The following KDM1B variants were observed in gnomAD, a reference collection of about 807,000 sequenced individuals.
KDM1B encodes lysine-specific histone demethylase 2.
Under a neutral mutation model 107.4 loss-of-function variants are expected in KDM1B, and 63 were observed. The ratio of observed to expected loss-of-function variants is 0.59; its 90% CI spans 0.48 to 0.72. The LOEUF (loss-of-function observed/expected upper bound fraction) is 0.72. Among genes scored for constraint, KDM1B ranks in the 30% least tolerant of loss-of-function variants. The pLI is 0.00. For missense variants in KDM1B, 749 were observed against 1,020.8 expected (o/e 0.73, Z 3.63); for synonymous variants, 363 against 363.9 (o/e 1.00, Z 0.03).
rs1006593884 is a variant in KDM1B at position 18,214,136 on chromosome 6, G to A, written c.2109+355G>A. Among the ~76,000 whole-genome samples, 3 of 152,100 alleles carry A rather than the reference G, an allele frequency of 2.0e-5. No homozygotes were observed. The highest frequency in any genetic ancestry group is 4.4e-5 in the Non-Finnish European group (3 of 68,030). Reference sequence around the variant, plus strand: ...GGGTCCTCTAGGGAGCTGGGAAAGGGTGTATGATTGGTGAGGGAGGGTGTG... The same window carrying A: ...GGGTCCTCTAGGGAGCTGGGAAAGGATGTATGATTGGTGAGGGAGGGTGTG... On this transcript the variant is annotated intron_variant, in intron 19 of 21. Coordinates refer to ENST00000650836, the MANE Select transcript of KDM1B (RefSeq NM_001364614.2). The surrounding 1 kb of genome is among the most constrained non-coding windows in gnomAD (Gnocchi z 4.4).
In KDM1B at chr6:18,188,507, T is replaced by C. The variant is rs116073853; in HGVS notation, c.784+505T>C. On this transcript the variant is annotated intron_variant, in intron 9 of 21. Transcript: ENST00000650836. ...CAACTATATGAGCAGTCCTTTTTCT[T>C]CTGAGTCTTTCTGCCTCTAATTATT... Among the ~76,000 whole-genome samples the C allele has an allele frequency of 6.0e-3, 913 of 152,346 alleles. 7 individuals carry two copies. The highest frequency in any genetic ancestry group is 0.021 in the African/African-American group (860 of 41,576).
At chr6:18,181,025 T>C (rs1245703895) in intron 7 of KDM1B, among the ~76,000 whole-genome samples, 1 of 152,250 alleles carries the variant, frequency 6.6e-6, no homozygotes, top group Non-Finnish European at 1.5e-5. Flanking sequence ...TTTAAATTTT[T>C]TCTTGGGTGG....
chr6:18,177,616 C>G (rs1440811789), intron 7 of KDM1B, among the ~76,000 whole-genome samples: 1 of 151,400 alleles, frequency 6.6e-6, no homozygotes, highest in Admixed American at 6.6e-5. Flanking sequence ...GCTCTATTGC[C>G]CAGGCTGGTC....
chr6:18,179,849 C>T (rs6459602), intron 7 of KDM1B, among the ~76,000 whole-genome samples: 30,179 of 96,222 alleles, frequency 0.31, 12,297 homozygotes, highest in East Asian at 0.41. Context: ...GGTTTTTTTT[C>T]CTTTTTTTTT....
Position 18,187,906 on chromosome 6 carries a change from A to C in KDM1B, c.688A>C (p.Met230Leu), listed in dbSNP as rs1223415492. The C allele has an allele frequency of 6.4e-7, 1 of 1,550,442 alleles. No individual in the cohort carries two copies. Among genetic ancestry groups the C allele is most frequent in the South Asian group, 1.2e-5 (1 of 84,052 alleles). The change falls in exon 9 of 22, where the codon ATG becomes CTG. Residue 230 changes from methionine to leucine, a missense_variant. Coordinates refer to ENST00000650836, the MANE Select transcript of KDM1B (RefSeq NM_001364614.2). ...TGCCTACTACCCTGACTGTGTTGGC[A>C]TGAGCCCCTCCTGCACCAGCACAAA... ...LSAYYPDCVGMSPSCTSTNRA... is the reference protein window; with the variant it reads ...LSAYYPDCVGLSPSCTSTNRA...
At position 18,199,429 on chromosome 6, in the gene KDM1B, G is replaced by A. The variant is rs76370511; in HGVS notation, c.1222-1010G>A. On this transcript the variant is annotated intron_variant, in intron 12 of 21. Coordinates refer to ENST00000650836, the MANE Select transcript of KDM1B (RefSeq NM_001364614.2). ...GTAGCCTGAAAGATGGTTAACTTGG[G>A]GAACCTCTCCTTGAGAATTTCAAGT... 5.2e-4 allele frequency among the ~76,000 whole-genome samples: 79 copies of A among 152,250 alleles called. 1 individual carries two copies. Among genetic ancestry groups the A allele is most frequent in the African/African-American group, 1.9e-3 (79 of 41,546 alleles).
At chr6:18,166,809 A>C (rs1785327887) in intron 6 of KDM1B, among the ~76,000 whole-genome samples, 3 of 151,762 alleles carry the variant, frequency 2.0e-5, no homozygotes, top group Non-Finnish European at 4.4e-5. Flanking sequence ...AGCTATGATT[A>C]CACCACTACA....
In KDM1B at chr6:18,202,491, A is replaced by G. The variant is rs73726732; in HGVS notation, c.1531+834A>G. On this transcript the variant is annotated intron_variant, in intron 14 of 21. Transcript: ENST00000650836. ...AACTATTTAGAAAACTTGACCATCC[A>G]TAGTGGCTCATTTTCACGAGGGTGC... is the stretch of plus-strand genomic sequence containing the variant. Among the ~76,000 whole-genome samples the G allele has an allele frequency of 2.4e-3, 363 of 152,344 alleles. 2 individuals are homozygous for G. Among genetic ancestry groups the G allele is most frequent in the African/African-American group, 8.2e-3 (343 of 41,582 alleles).
chr6:18,171,594 A>G, intron 7 of KDM1B, 115 bp downstream of exon 7: 1 of 686,356 alleles, frequency 1.5e-6, no homozygotes, highest in Non-Finnish European at 2.7e-6. Context: ...TTGTATTTGC[A>G]TGCATGTAAT....
At position 18,200,526 on chromosome 6, in the gene KDM1B, C is replaced by G; in HGVS notation, c.1309C>G (p.Gln437Glu). The G allele has an allele frequency of 6.2e-7, 1 of 1,613,968 alleles. No individual in the cohort carries two copies. The highest frequency in any genetic ancestry group is 8.5e-7 in the Non-Finnish European group (1 of 1,179,942). Residue 437 changes from glutamine to glutamate, a missense_variant, in exon 13 of 22, where the codon CAG becomes GAG. Transcript: ENST00000650836. The surrounding 1 kb of genome is among the most constrained non-coding windows in gnomAD (Gnocchi z 4.3). ...AGGCGTCACAGTGGGAAGAGGAGCTCAGATTGTCAATGGGTGTATTAACAA... is the reference window on the plus strand; with the variant it reads ...AGGCGTCACAGTGGGAAGAGGAGCTGAGATTGTCAATGGGTGTATTAACAA... ...FKGVTVGRGAQIVNGCINNPV... is the reference protein window; with the variant it reads ...FKGVTVGRGAEIVNGCINNPV...
chr6:18,217,245 C>T (rs1476366919), intron 20 of KDM1B, among the ~76,000 whole-genome samples: 3 of 152,000 alleles, frequency 2.0e-5, no homozygotes, highest in Admixed American at 6.6e-5. Context: ...ACACAAATAC[C>T]GGCTTGGGTA....
In KDM1B at chr6:18,200,680, G is replaced by A. The variant is rs1787975007; in HGVS notation, c.1359+104G>A. On this transcript the variant is annotated intron_variant, in intron 13 of 21. Coordinates refer to ENST00000650836, the MANE Select transcript of KDM1B (RefSeq NM_001364614.2). This position sits in a 1 kb window ranked among gnomAD's most constrained non-coding sequence, Gnocchi z 4.3. ...CTTCTAAAGTAAATTACATATAACA[G>A]CCCCCTCATCTCCTATGCAAAGCAG... is the stretch of plus-strand genomic sequence containing the variant. The A allele has an allele frequency of 2.0e-6, 2 of 978,388 alleles. No individual in the cohort carries two copies. Among genetic ancestry groups the A allele is most frequent in the Non-Finnish European group, 1.5e-6 (1 of 680,654 alleles). The allele number at this position is 978,388 out of a possible 1,614,324, so 60.6% of individuals were successfully genotyped here.
chr6:18,160,085 G>A (rs1334255627), intron 3 of KDM1B, 103 bp downstream of exon 3: 8 of 717,990 alleles, frequency 1.1e-5, no homozygotes, highest in Middle Eastern at 2.4e-4. Context: ...CCCTCAAGTT[G>A]CTTGTATTCT....
chr6:18,221,425 T>C (rs374316601), intron 21 of KDM1B, among the ~76,000 whole-genome samples: 65 of 152,202 alleles, frequency 4.3e-4, no homozygotes, highest in African/African-American at 1.6e-3. Flanking sequence ...TTTTACTTCC[T>C]CCCAATCCAA....
Position 18,217,778 on chromosome 6 carries a change from G to C in KDM1B, c.2278G>C (p.Asp760His). 1 of 1,613,922 alleles carries C rather than the reference G, an allele frequency of 6.2e-7. No individual in the cohort carries two copies. Among genetic ancestry groups the C allele is most frequent in the East Asian group, 2.2e-5 (1 of 44,856 alleles). Residue 760 changes from aspartate (D) to histidine (H), a missense_variant, in exon 21 of 22, where the codon GAC becomes CAC. Asp to His is a moderately conservative substitution (Grantham distance 81). Coordinates refer to ENST00000650836, the MANE Select transcript of KDM1B (RefSeq NM_001364614.2). Reference protein sequence around the residue: ...TKYFVTRWSTDPWIQMAYSFV... With the variant: ...TKYFVTRWSTHPWIQMAYSFV... ...GTATTTTGTCACTCGGTGGAGCACAGACCCATGGATCCAGATGGCATACAG... is the reference window on the plus strand; with the variant it reads ...GTATTTTGTCACTCGGTGGAGCACACACCCATGGATCCAGATGGCATACAG...
At position 18,200,406 on chromosome 6, in the gene KDM1B, C is replaced by A; in HGVS notation, c.1222-33C>A. On this transcript the variant is annotated intron_variant, in intron 12 of 21. Transcript: ENST00000650836. The surrounding 1 kb of genome is among the most constrained non-coding windows in gnomAD (Gnocchi z 4.3). Reference sequence around the variant, plus strand: ...CTGTGTCTGATATAACTCTTGTGTCCTATTTAGCTTCCCTGACTGTCTGTC... The same window carrying A: ...CTGTGTCTGATATAACTCTTGTGTCATATTTAGCTTCCCTGACTGTCTGTC... The A allele has an allele frequency of 6.2e-7, 1 of 1,607,196 alleles. No homozygotes were observed. Among genetic ancestry groups the A allele is most frequent in the South Asian group, 1.1e-5 (1 of 90,100 alleles).
At chr6:18,189,583 T>C (rs1164128020) in intron 9 of KDM1B, among the ~76,000 whole-genome samples, 2 of 152,212 alleles carry the variant, frequency 1.3e-5, no homozygotes, top group African/African-American at 2.4e-5. Context: ...TAAGAAAATA[T>C]ACAGCCATTG....
intron 7 of KDM1B, among the ~76,000 whole-genome samples, chr6:18,179,028 A>G (rs1009312360): frequency 2.0e-5 from 3 of 152,218 alleles, no homozygotes; most frequent in African/African-American, 4.8e-5. Context: ...CGTCATATAC[A>G]GTGTTGGCTA....
rs779889010 is a variant in KDM1B, at chr6:18,161,407, A to G, written c.168A>G (p.Ala56=). 7 of 1,614,094 alleles carry G rather than the reference A, an allele frequency of 4.3e-6. No homozygotes were observed. The East Asian group carries it at 1.3e-4, about 31-fold the overall frequency. The part of the protein sequence containing the change: ...SEKKYRKCEK[A]GCTATCPVCF... ...AGAAGTACAGGAAATGTGAAAAGGC[A>G]GGCTGTACGGCAACATGTCCTGTGT... Residue 56 remains alanine, a synonymous_variant, in exon 4 of 22, where the codon GCA becomes GCG. Coordinates refer to ENST00000650836, the MANE Select transcript of KDM1B (RefSeq NM_001364614.2).
Sources: allele counts gnomAD v4.1 joint callset (sites outside exome capture counted in the v4.1 genomes callset), GRCh38; gene constraint gnomAD v4.1.1; non-coding constraint Gnocchi (gnomAD v3.1); transcripts MANE v1.5; gene names NCBI Gene and HGNC (gene_info 2026-07-23, HGNC 2026-07-21).